CNTN6: variants seen among roughly 807,000 people sequenced by gnomAD.
CNTN6 encodes contactin 6.
Under a neutral mutation model 122.8 loss-of-function variants are expected in CNTN6, and 137 were observed. The ratio of observed to expected loss-of-function variants is 1.12; its 90% CI spans 0.97 to 1.29. CNTN6 has a LOEUF of 1.29. Among genes scored for constraint, CNTN6 ranks in the 50% most tolerant of loss-of-function variants. The probability of loss-of-function intolerance (pLI) is 0.00; values close to 1 mark genes in which losing one functional copy is unlikely to be tolerated. For missense variants in CNTN6, 1,634 were observed against 1,223.4 expected (o/e 1.34, Z -5.01); for synonymous variants, 570 against 426.0 (o/e 1.34, Z -4.16).
chr3:1,106,797 CA>C (rs775648707), intron 1 of CNTN6, among the ~76,000 whole-genome samples: 20 of 151,932 alleles, frequency 1.3e-4, no homozygotes, highest in Non-Finnish European at 2.5e-4. Flanking sequence ...ATTTAGAAGC[CA>C]AAAACATAAC....
At chr3:1,202,264 G>A (rs1209338083) in intron 2 of CNTN6, among the ~76,000 whole-genome samples, 4 of 152,254 alleles carry the variant, frequency 2.6e-5, no homozygotes, top group African/African-American at 9.6e-5. Context: ...GTTTGGGCCG[G>A]GCGCGGTGGC....
At chr3:1,278,570 A>G in intron 5 of CNTN6, 62 bp downstream of exon 5, 1 of 1,162,640 alleles carries the variant, frequency 8.6e-7, no homozygotes, top group Non-Finnish European at 1.3e-6. Flanking sequence ...ATGTGAGCAC[A>G]TCAGGTCTTA....
At chr3:1,094,122 C>T (rs1024959344) in intron 1 of CNTN6, among the ~76,000 whole-genome samples, 1 of 152,156 alleles carries the variant, frequency 6.6e-6, no homozygotes, top group Non-Finnish European at 1.5e-5. Flanking sequence ...AAAGAAGAAG[C>T]ATATGCTGAA....
chr3:1,215,490 C>T (rs4634098), intron 2 of CNTN6, among the ~76,000 whole-genome samples: 148,689 of 152,278 alleles, frequency 0.98, 72,602 homozygotes, highest in East Asian at 1. Flanking sequence ...TTACAGTTTG[C>T]ATCCTTAGGT....
At chr3:1,292,976 C>T (rs973688162) in intron 5 of CNTN6, among the ~76,000 whole-genome samples, 6 of 151,954 alleles carry the variant, frequency 3.9e-5, no homozygotes. Context: ...GGTTTTTTTT[C>T]CCACATGACA....
At chr3:1,341,957 G>A (rs1037889766) in intron 11 of CNTN6, among the ~76,000 whole-genome samples, 2 of 152,020 alleles carry the variant, frequency 1.3e-5, no homozygotes, top group Admixed American at 6.6e-5. Context: ...ACAACTATTT[G>A]CTAATAAAAC....
chr3:1,271,536 G>A (rs969552152), intron 4 of CNTN6, among the ~76,000 whole-genome samples: 3 of 152,128 alleles, frequency 2.0e-5, no homozygotes, highest in East Asian at 1.9e-4. Context: ...GCTGGTGGGC[G>A]GTGCATAGCT....
chr3:1,245,256 A>ATG (rs4065405), intron 4 of CNTN6, among the ~76,000 whole-genome samples: 1 of 4,024 alleles, frequency 2.5e-4, no homozygotes, highest in African/African-American at 5.4e-4. Flanking sequence ...ATATATATAT[A>ATG]ACATATATAT....
chr3:1,270,012 C>T (rs924259384), intron 4 of CNTN6, among the ~76,000 whole-genome samples: 2 of 152,080 alleles, frequency 1.3e-5, no homozygotes, highest in African/African-American at 2.4e-5. Context: ...AATGTATGAC[C>T]AGTTCTAAGA....
intron 4 of CNTN6, among the ~76,000 whole-genome samples, chr3:1,268,581 T>G: frequency 8.6e-6 from 1 of 116,854 alleles, no homozygotes; most frequent in Non-Finnish European, 1.7e-5. Context: ...CACTCCAGCC[T>G]GGGCGACAGA....
rs551013526 is a variant in CNTN6, at chr3:1,234,352, G to T, written c.358+6359G>T. Reference sequence around the variant, plus strand: ...TTCTAAGATATTTGTGTATTTAAAGGTGATAAATATTTTTATTTCTATCTT... The same window carrying T: ...TTCTAAGATATTTGTGTATTTAAAGTTGATAAATATTTTTATTTCTATCTT... On this transcript the variant is annotated intron_variant, in intron 4 of 22. Coordinates refer to ENST00000446702, the MANE Select transcript of CNTN6 (RefSeq NM_001289080.2). 2.0e-5 allele frequency among the ~76,000 whole-genome samples: 3 copies of T among 152,218 alleles called. No individual in the cohort carries two copies. In the East Asian group the frequency reaches 5.8e-4, roughly 29 times the overall value.
intron 7 of CNTN6, among the ~76,000 whole-genome samples, chr3:1,319,001 A>T (rs1041402615): frequency 7.3e-5 from 11 of 151,554 alleles, no homozygotes; most frequent in Non-Finnish European, 1.6e-4. Context: ...AGGAGACTCC[A>T]TTTCTTGTAT....
chr3:1,254,640 A>C (rs1470615293), intron 4 of CNTN6, among the ~76,000 whole-genome samples: 1 of 152,200 alleles, frequency 6.6e-6, no homozygotes, highest in African/African-American at 2.4e-5. Context: ...GAGAGGGATC[A>C]CATAAATATG....
intron 2 of CNTN6, among the ~76,000 whole-genome samples, chr3:1,170,973 C>T (rs1158365665): frequency 6.6e-6 from 1 of 152,086 alleles, no homozygotes; most frequent in Admixed American, 6.5e-5. Flanking sequence ...AGAAAGTGCT[C>T]GATAAACAGT....
chr3:1,314,759 A>C (rs536003045), intron 7 of CNTN6, among the ~76,000 whole-genome samples: 1 of 146,948 alleles, frequency 6.8e-6, no homozygotes, highest in South Asian at 2.1e-4. Flanking sequence ...ACGAAACCAC[A>C]GCAGAGGAAA....
intron 12 of CNTN6, among the ~76,000 whole-genome samples, chr3:1,360,282 T>C (rs1050022709): frequency 6.6e-6 from 1 of 152,076 alleles, no homozygotes; most frequent in Non-Finnish European, 1.5e-5. Flanking sequence ...TTCCCTCTTG[T>C]TCTCTAGAAT....
intron 11 of CNTN6, among the ~76,000 whole-genome samples, chr3:1,332,753 G>T (rs1320859931): frequency 6.6e-6 from 1 of 152,122 alleles, no homozygotes; most frequent in East Asian, 1.9e-4. Context: ...CCTAAAAAAG[G>T]AGAGAAAGTC....
intron 5 of CNTN6, among the ~76,000 whole-genome samples, chr3:1,282,852 T>G (rs1363099774): frequency 6.6e-6 from 1 of 152,178 alleles, no homozygotes; most frequent in East Asian, 1.9e-4. Context: ...CTCCTTTAGC[T>G]TCTCAGTGCT....
intron 11 of CNTN6, among the ~76,000 whole-genome samples, chr3:1,351,037 C>T (rs915028465): frequency 6.6e-6 from 1 of 151,732 alleles, no homozygotes; most frequent in Non-Finnish European, 1.5e-5. Flanking sequence ...GGAGAATACT[C>T]TAAGATAATG....
Sources: allele counts gnomAD v4.1 joint callset (sites outside exome capture counted in the v4.1 genomes callset), GRCh38; gene constraint gnomAD v4.1.1; transcripts MANE v1.5; gene names NCBI Gene and HGNC (gene_info 2026-07-23, HGNC 2026-07-21).